The following CNTN4 variants were observed in gnomAD, a reference collection of about 807,000 sequenced individuals.
CNTN4 encodes the protein contactin 4.
A neutral mutation model predicts 122.5 loss-of-function variants in CNTN4; 77 were observed. That is an observed-to-expected ratio of 0.63 (90% CI 0.52 to 0.76). CNTN4 has a LOEUF of 0.76. CNTN4 is among the 30% of genes least tolerant of loss of function. The pLI is 0.00. For missense variants in CNTN4, 1,256 were observed against 1,259.1 expected, an observed-to-expected ratio of 1.00 and a Z score of 0.04; for synonymous variants, 512 against 447.0, an observed-to-expected ratio of 1.15 and a Z score of -1.83.
At chr3:2,703,208 C>G (rs2086456418) in intron 4 of CNTN4, among the ~76,000 whole-genome samples, 2 of 152,184 alleles carry the variant, frequency 1.3e-5, no homozygotes, top group African/African-American at 4.8e-5. Flanking sequence ...GTCTCCCCTT[C>G]ATATTTACGT....
In CNTN4 at chr3:2,152,701, C is replaced by T. The variant is rs181085825; in HGVS notation, c.-145+52062C>T. Among the ~76,000 whole-genome samples, 6 of 152,310 alleles carry T rather than the reference C, an allele frequency of 3.9e-5. No individual in the cohort carries two copies. The East Asian group carries it at 1.2e-3, about 29-fold the overall frequency. On this transcript the variant is annotated intron_variant, in intron 2 of 24. Coordinates refer to ENST00000418658, the MANE Select transcript of CNTN4 (RefSeq NM_175607.3). ...AGGAGTGGCTGTGTAAAGCAGGAGACACCCACCGTTCCCAGGGCGTAGTTC... is the reference window on the plus strand; with the variant it reads ...AGGAGTGGCTGTGTAAAGCAGGAGATACCCACCGTTCCCAGGGCGTAGTTC...
rs2088998824 is a variant in CNTN4 at position 2,735,275 on chromosome 3, A to G, written c.56-940A>G. Among the ~76,000 whole-genome samples, 3 of 152,248 alleles carry G rather than the reference A, an allele frequency of 2.0e-5. No homozygotes were observed. The South Asian group carries it at 6.2e-4, about 32-fold the overall frequency. ...AACTTGATTTTGAAAAACGAAAATC[A>G]CTTCCATGGGCGTAAGCGGCGAGAT... On this transcript the variant is annotated intron_variant, in intron 4 of 24. Coordinates refer to ENST00000418658, the MANE Select transcript of CNTN4 (RefSeq NM_175607.3).
chr3:2,147,865 T>G (rs2035317155), intron 2 of CNTN4, among the ~76,000 whole-genome samples: 1 of 152,216 alleles, frequency 6.6e-6, no homozygotes, highest in Non-Finnish European at 1.5e-5. Flanking sequence ...TATTTGCTTA[T>G]GTTGTATCCT....
chr3:2,177,960 ACTTTAC>A (rs1362166468), intron 2 of CNTN4, among the ~76,000 whole-genome samples: 2 of 151,962 alleles, frequency 1.3e-5, no homozygotes, highest in East Asian at 3.9e-4. Flanking sequence ...AATTTTTTAT[ACTTTAC>A]CTTATATGTC....
rs937184929 is a variant in CNTN4 at position 2,179,930 on chromosome 3, T to A, written c.-145+79291T>A. On this transcript the variant is annotated intron_variant, in intron 2 of 24. Coordinates refer to ENST00000418658, the MANE Select transcript of CNTN4 (RefSeq NM_175607.3). ...ATAGGTACTCAGTTGTAAAAAAGAT[T>A]AGTGAAATATTTTACATTTTTTGTA... Among the ~76,000 whole-genome samples, 2 of 152,006 alleles carry A rather than the reference T, an allele frequency of 1.3e-5. 1 individual carries two copies. Among genetic ancestry groups the A allele is most frequent in the African/African-American group, 4.8e-5 (2 of 41,432 alleles).
At chr3:2,206,876 GC>G (rs1374744562) in intron 2 of CNTN4, among the ~76,000 whole-genome samples, 1 of 84,116 alleles carries the variant, frequency 1.2e-5, no homozygotes, top group Non-Finnish European at 2.4e-5. Flanking sequence ...CGCAGATACT[GC>G]TTTTTTTTTT....
intron 12 of CNTN4, among the ~76,000 whole-genome samples, chr3:2,907,295 G>A (rs1397408940): frequency 2.6e-5 from 4 of 152,146 alleles, no homozygotes; most frequent in Admixed American, 6.5e-5. Context: ...TCTCTTGGCC[G>A]GGTGTAGTGG....
At chr3:2,376,827 A>G (rs2045836810) in intron 3 of CNTN4, among the ~76,000 whole-genome samples, 1 of 152,140 alleles carries the variant, frequency 6.6e-6, no homozygotes, top group South Asian at 2.1e-4. Flanking sequence ...GTTCTTATAC[A>G]GTGTTAAGGC....
chr3:2,275,446 A>T (rs2041468527), intron 2 of CNTN4, among the ~76,000 whole-genome samples: 1 of 152,142 alleles, frequency 6.6e-6, no homozygotes, highest in Non-Finnish European at 1.5e-5. Flanking sequence ...CTATAATAGT[A>T]TTCTACACTT....
chr3:2,497,413 G>A (rs2076481450), intron 3 of CNTN4, among the ~76,000 whole-genome samples: 1 of 152,082 alleles, frequency 6.6e-6, no homozygotes, highest in African/African-American at 2.4e-5. Context: ...TGTAGTTTTT[G>A]GAAAATCCAG....
At chr3:2,881,435 C>T (rs964515374) in intron 8 of CNTN4, among the ~76,000 whole-genome samples, 10 of 151,894 alleles carry the variant, frequency 6.6e-5, no homozygotes, top group Non-Finnish European at 1.3e-4. Context: ...ATTGCTTGAA[C>T]CCGGGAGGCG....
chr3:2,971,425 G>A (rs1451159537), intron 13 of CNTN4, among the ~76,000 whole-genome samples: 1 of 152,014 alleles, frequency 6.6e-6, no homozygotes, highest in Non-Finnish European at 1.5e-5. Flanking sequence ...AGTAATGCTA[G>A]TGAATGATCT....
At chr3:2,193,908 G>A (rs953224069) in intron 2 of CNTN4, among the ~76,000 whole-genome samples, 7 of 152,162 alleles carry the variant, frequency 4.6e-5, no homozygotes, top group Non-Finnish European at 1.0e-4. Context: ...TAGGTGTGTA[G>A]TAGGCTATAT....
chr3:2,566,913 C>T (rs2079187945), intron 3 of CNTN4, among the ~76,000 whole-genome samples: 1 of 152,154 alleles, frequency 6.6e-6, no homozygotes, highest in Non-Finnish European at 1.5e-5. Flanking sequence ...GAGATGTAGT[C>T]AACTTGCTAA....
At chr3:2,249,598 G>C (rs1559378616) in intron 2 of CNTN4, among the ~76,000 whole-genome samples, 2 of 151,918 alleles carry the variant, frequency 1.3e-5, no homozygotes, top group East Asian at 3.9e-4. Context: ...AGCACAAAGA[G>C]AGAAGAGTAG....
At chr3:2,450,109 A>G (rs547290982) in intron 3 of CNTN4, among the ~76,000 whole-genome samples, 62 of 152,262 alleles carry the variant, frequency 4.1e-4, no homozygotes, top group African/African-American at 1.5e-3. Flanking sequence ...GCTTACACCT[A>G]TAATCCCAGC....
chr3:2,988,756 A>G, intron 14 of CNTN4: 1 of 366,624 alleles, frequency 2.7e-6, no homozygotes, highest in Non-Finnish European at 5.1e-6. Flanking sequence ...CAATCCTTTA[A>G]TTAAATTTCT....
intron 4 of CNTN4, among the ~76,000 whole-genome samples, chr3:2,676,865 A>G: frequency 6.6e-6 from 1 of 152,226 alleles, no homozygotes. Context: ...AGCGAAGACT[A>G]ACTGGATGAC....
intron 3 of CNTN4, among the ~76,000 whole-genome samples, chr3:2,400,593 A>C (rs1420218615): frequency 6.7e-6 from 1 of 150,104 alleles, no homozygotes; most frequent in Non-Finnish European, 1.5e-5. Flanking sequence ...CAAAAGTCTT[A>C]GTTCAACAAA....
Sources: gnomAD v4.1 joint callset for allele counts (sites outside exome capture counted in the v4.1 genomes callset) on GRCh38, gnomAD v4.1.1 for gene constraint, MANE v1.5 for transcripts, NCBI Gene and HGNC (gene_info 2026-07-23, HGNC 2026-07-21) for gene names.